The following CDK5RAP2 variants were observed in gnomAD, a reference collection of about 807,000 sequenced individuals.
CDK5RAP2 encodes the protein CDK5 regulatory subunit associated protein 2.
A neutral mutation model predicts 232.9 loss-of-function variants in CDK5RAP2; 147 were observed. The observed-to-expected ratio is 0.63, with a 90% confidence interval of 0.55 to 0.72. The LOEUF (loss-of-function observed/expected upper bound fraction) is 0.72. CDK5RAP2 is among the 30% of genes least tolerant of loss of function. The pLI is 0.00. For missense variants in CDK5RAP2, 2,195 were observed against 2,231.5 expected (o/e 0.98, Z 0.33); for synonymous variants, 833 against 833.7 (o/e 1.00, Z 0.01).
intron 11 of CDK5RAP2, among the ~76,000 whole-genome samples, chr9:120,523,679 A>G (rs1429080218): frequency 6.6e-6 from 1 of 152,244 alleles, no homozygotes; most frequent in African/African-American, 2.4e-5. Flanking sequence ...CTACGTTACA[A>G]CCAAAAGCAA....
At chr9:120,569,435 G>A (rs1303614119) in intron 2 of CDK5RAP2, among the ~76,000 whole-genome samples, 1 of 152,194 alleles carries the variant, frequency 6.6e-6, no homozygotes, top group African/African-American at 2.4e-5. Context: ...GGTGAGGACT[G>A]CCATTTTAGG....
At position 120,533,798 on chromosome 9, in the gene CDK5RAP2, A is replaced by T. The variant is rs199850939; in HGVS notation, c.662+2574T>A. On this transcript the variant is annotated intron_variant, in intron 7 of 37. Coordinates refer to ENST00000349780, the MANE Select transcript of CDK5RAP2 (RefSeq NM_018249.6). The stretch of plus-strand genomic sequence containing the variant: ...GGAGGACAGAGTTAAGACTCCATCT[A>T]AAAAAAAAAAAAAAAAAAAAAAAAA... Among the ~76,000 whole-genome samples the T allele has an allele frequency of 8.2e-3, 725 of 88,252 alleles. 4 individuals carry two copies. The highest frequency in any genetic ancestry group is 0.035 in the East Asian group (88 of 2,528). 57.9% of individuals were successfully genotyped at this position (88,252 alleles called of 152,430 possible).
At chr9:120,548,546 C>CT (rs1217998715) in intron 4 of CDK5RAP2, among the ~76,000 whole-genome samples, 3 of 152,192 alleles carry the variant, frequency 2.0e-5, no homozygotes, top group Non-Finnish European at 4.4e-5. Context: ...TGGCTCACAC[C>CT]TGTAAGTCCC....
At chr9:120,528,515 C>T (rs564040714) in intron 9 of CDK5RAP2, among the ~76,000 whole-genome samples, 1 of 152,310 alleles carries the variant, frequency 6.6e-6, no homozygotes, top group African/African-American at 2.4e-5. Context: ...AGTGACCTCA[C>T]CTCTCTGGGC....
chr9:120,578,215 C>G (rs924206353), intron 1 of CDK5RAP2, among the ~76,000 whole-genome samples: 1 of 152,014 alleles, frequency 6.6e-6, no homozygotes, highest in African/African-American at 2.4e-5. Context: ...TGAAGTGAGC[C>G]GAGATCGCGC....
chr9:120,563,748 T>G (rs1291981721), intron 3 of CDK5RAP2, among the ~76,000 whole-genome samples: 2 of 152,114 alleles, frequency 1.3e-5, no homozygotes, highest in African/African-American at 2.4e-5. Flanking sequence ...GCCATACAAG[T>G]GGGGCAGGGG....
At chr9:120,502,720 AC>A (rs1163486195) in intron 12 of CDK5RAP2, among the ~76,000 whole-genome samples, 1 of 152,136 alleles carries the variant, frequency 6.6e-6, no homozygotes. Flanking sequence ...AGGTCCATTG[AC>A]TGGGCCAGGG....
chr9:120,453,958 C>T lies in CDK5RAP2; in HGVS notation c.2376-85G>A. On this transcript the variant is annotated intron_variant, in intron 20 of 37. Transcript: ENST00000349780. ...TAGCCAGTATCCCAAGTTATCCCCA[C>T]CTACTGTTGCCCAGATTCCATCAAA... is the stretch of plus-strand genomic sequence containing the variant. 8 of 1,331,368 alleles carry T rather than the reference C, an allele frequency of 6.0e-6. No individual in the cohort carries two copies. In the Admixed American group the frequency reaches 6.8e-5, roughly 11 times the overall value. 82.5% of individuals were successfully genotyped at this position (1,331,368 alleles called of 1,614,324 possible). A position where few individuals can be genotyped will look rare whatever the true frequency, so the allele number is the denominator to read the frequency against.
At chr9:120,560,120 G>A (rs981650681) in intron 3 of CDK5RAP2, among the ~76,000 whole-genome samples, 4 of 152,194 alleles carry the variant, frequency 2.6e-5, no homozygotes, top group African/African-American at 9.7e-5. Flanking sequence ...CAAGAGCTAA[G>A]AGCAAGAGCT....
chr9:120,475,192 G>A (rs1465117371), intron 15 of CDK5RAP2, among the ~76,000 whole-genome samples: 1 of 152,212 alleles, frequency 6.6e-6, no homozygotes, highest in African/African-American at 2.4e-5. Context: ...GGCTCAGGGT[G>A]AGAAATTACT....
intron 35 of CDK5RAP2, 136 bp from the exon 36 acceptor site, chr9:120,394,774 T>A (rs1044110614): frequency 1.2e-6 from 1 of 810,394 alleles, no homozygotes; most frequent in African/African-American, 1.7e-5. Flanking sequence ...AGAAGCCTTT[T>A]CCTGACAACC....
chr9:120,399,398 TA>T (rs1417398601), intron 35 of CDK5RAP2, among the ~76,000 whole-genome samples: 6 of 152,130 alleles, frequency 3.9e-5, no homozygotes, highest in African/African-American at 1.4e-4. Context: ...TCAAAAAATA[TA>T]AATAAAACAG....
At chr9:120,481,657 C>T (rs1476484426) in intron 14 of CDK5RAP2, among the ~76,000 whole-genome samples, 4 of 151,972 alleles carry the variant, frequency 2.6e-5, no homozygotes, top group Non-Finnish European at 2.9e-5. Context: ...GGACCACAGG[C>T]GCACACCGCC....
intron 22 of CDK5RAP2, among the ~76,000 whole-genome samples, chr9:120,445,386 G>C (rs923241072): frequency 4.6e-5 from 7 of 152,106 alleles, no homozygotes; most frequent in Non-Finnish European, 1.5e-5. Flanking sequence ...CTTGAGGTTC[G>C]GTGACAATGT....
chr9:120,437,122 T>C (rs1432012290), intron 25 of CDK5RAP2, among the ~76,000 whole-genome samples, 173 bp downstream of exon 25: 2 of 152,100 alleles, frequency 1.3e-5, no homozygotes, highest in Middle Eastern at 3.2e-3. Flanking sequence ...CCACAAGCCA[T>C]GTGGAAGTGG....
chr9:120,439,355 G>C (rs759590109), intron 24 of CDK5RAP2, 44 bp downstream of exon 24: 6 of 1,500,584 alleles, frequency 4.0e-6, no homozygotes, highest in Non-Finnish European at 4.6e-6. Flanking sequence ...GCAATACTGG[G>C]GGACTACAGG....
chr9:120,548,608 A>G (rs1014778897), intron 4 of CDK5RAP2, among the ~76,000 whole-genome samples: 3 of 152,176 alleles, frequency 2.0e-5, no homozygotes, highest in African/African-American at 7.2e-5. Context: ...GAAGTTCAAG[A>G]CCAGCCTTGG....
intron 2 of CDK5RAP2, among the ~76,000 whole-genome samples, chr9:120,569,838 T>C (rs375679702): frequency 1.5e-4 from 23 of 152,042 alleles, no homozygotes; most frequent in Middle Eastern, 3.2e-3. Flanking sequence ...TAGGAGAATA[T>C]TGGGATAATC....
chr9:120,457,581 C>T (rs2036851468), intron 20 of CDK5RAP2, among the ~76,000 whole-genome samples: 1 of 152,196 alleles, frequency 6.6e-6, no homozygotes, highest in Non-Finnish European at 1.5e-5. Context: ...GCTGAGCTCA[C>T]AAAAACAGAA....
Sources: allele counts gnomAD v4.1 joint callset (sites outside exome capture counted in the v4.1 genomes callset), GRCh38; gene constraint gnomAD v4.1.1; transcripts MANE v1.5; gene names NCBI Gene and HGNC (gene_info 2026-07-23, HGNC 2026-07-21).